SAP130: variants seen among roughly 807,000 people sequenced by gnomAD.
The protein encoded by SAP130 is Sin3A associated protein 130.
Under a neutral mutation model 103.2 loss-of-function variants are expected in SAP130, and 16 were observed. The ratio of observed to expected loss-of-function variants is 0.16; its 90% CI spans 0.10 to 0.24. SAP130 has a LOEUF of 0.24. Ranked by LOEUF, SAP130 falls within the 10% of genes least tolerant of loss-of-function variation. SAP130 has a pLI of 1.00. For synonymous variants in SAP130, 477 were observed against 497.0 expected, an observed-to-expected ratio of 0.96 and a Z score of 0.53; for missense variants, 990 against 1,359.7, an observed-to-expected ratio of 0.73 and a Z score of 4.28.
chr2:127,945,206 T>TA (rs1412637391), intron 19 of SAP130, among the ~76,000 whole-genome samples: 1 of 152,232 alleles, frequency 6.6e-6, no homozygotes, highest in African/African-American at 2.4e-5. Flanking sequence ...CACTGAATCT[T>TA]AAATTTAGGT....
chr2:128,001,372 A>G (rs1235367827), intron 7 of SAP130, among the ~76,000 whole-genome samples: 1 of 152,250 alleles, frequency 6.6e-6, no homozygotes, highest in East Asian at 1.9e-4. Context: ...CCTGTCTCCA[A>G]TAAAATAAAA....
chr2:127,955,131 G>C lies in SAP130; in HGVS notation c.2277C>G (p.Ile759Met). Residue 759 changes from isoleucine (I) to methionine (M), a missense_variant, in exon 16 of 21, where the codon ATC (isoleucine) becomes ATG (methionine). Around this residue, in one of 6 missense-constraint regions of SAP130, gnomAD observed 349 missense variants for 384.1 expected, o/e 0.91. Coordinates refer to ENST00000643581, the MANE Select transcript of SAP130 (RefSeq NM_001330301.2). The surrounding 1 kb of genome is among the most constrained non-coding windows in gnomAD (Gnocchi z 4.9). The part of the protein sequence containing the change: ...ALSTIPGAVP[I>M]TPPITTIAAA... ...CTGCAATGGTGGTGATGGGTGGAGT[G>C]ATGGGGACCGCTCCAGGAATGGTTG... 1 of 1,614,192 alleles carries C rather than the reference G, an allele frequency of 6.2e-7. No individual in the cohort carries two copies. Among genetic ancestry groups the C allele is most frequent in the Non-Finnish European group, 8.5e-7 (1 of 1,180,028 alleles).
intron 2 of SAP130, among the ~76,000 whole-genome samples, chr2:128,025,070 A>G (rs926823015): frequency 1.3e-5 from 2 of 151,498 alleles, no homozygotes; most frequent in South Asian, 2.1e-4. Context: ...ATCATTTACC[A>G]TAAGGAACAC....
At chr2:127,952,447 T>C (rs987918596) in intron 16 of SAP130, among the ~76,000 whole-genome samples, 1 of 26,850 alleles carries the variant, frequency 3.7e-5, no homozygotes, top group South Asian at 3.2e-3. Flanking sequence ...CACAACTCCA[T>C]CTTAAAAAAA....
intron 15 of SAP130, among the ~76,000 whole-genome samples, chr2:127,971,672 T>C (rs188392311): frequency 6.6e-6 from 1 of 152,364 alleles, no homozygotes; most frequent in African/African-American, 2.4e-5. Flanking sequence ...TCTTCATTAG[T>C]TCTCTACTGA....
At chr2:128,013,578 G>A (rs1292882306) in intron 5 of SAP130, among the ~76,000 whole-genome samples, 2 of 152,158 alleles carry the variant, frequency 1.3e-5, no homozygotes, top group African/African-American at 4.8e-5. Context: ...TCACCCTGCA[G>A]ACCCCCATAA....
At chr2:128,010,172 C>A in intron 7 of SAP130, 97 bp downstream of exon 7, 4 of 1,329,968 alleles carry the variant, frequency 3.0e-6, no homozygotes, top group African/African-American at 1.5e-5. Flanking sequence ...AAAAAAAAGC[C>A]ACTCAATAAA....
In SAP130 at chr2:128,018,483, CAAAAAAA is replaced by C. The variant is rs759445928; in HGVS notation, c.113-575_113-569del. 1.3e-4 allele frequency among the ~76,000 whole-genome samples: 9 copies of C among 69,474 alleles called. No homozygotes were observed. The East Asian group carries it at 1.7e-3, about 13-fold the overall frequency. 45.6% of individuals were successfully genotyped at this position (69,474 alleles called of 152,430 possible). On this transcript the variant is annotated intron_variant, in intron 2 of 20. Coordinates refer to ENST00000643581, the MANE Select transcript of SAP130 (RefSeq NM_001330301.2). ...CTGGGCGAGAGAGGAAGATTGTCTC[CAAAAAAA>C]AAAAAAAAAAAAAAAAGGATGGCTG...
intron 3 of SAP130, among the ~76,000 whole-genome samples, 189 bp from the exon 4 acceptor site, chr2:128,016,736 A>T (rs1684816152): frequency 6.6e-6 from 1 of 152,202 alleles, no homozygotes; most frequent in African/African-American, 2.4e-5. Context: ...ACAGATAAAG[A>T]AACATACAAA....
intron 15 of SAP130, among the ~76,000 whole-genome samples, chr2:127,959,303 T>C (rs536175398): frequency 6.6e-6 from 1 of 152,326 alleles, no homozygotes; most frequent in Non-Finnish European, 1.5e-5. Context: ...CTACTCTGTC[T>C]AGCCCAAGAA....
At chr2:127,947,021 GAGA>G (rs1258775702) in intron 18 of SAP130, among the ~76,000 whole-genome samples, 5 of 150,570 alleles carry the variant, frequency 3.3e-5, no homozygotes, top group Non-Finnish European at 3.0e-5. Flanking sequence ...AGGAAGGGGA[GAGA>G]AGGAGAGAGA....
intron 11 of SAP130, 120 bp from the exon 12 acceptor site, chr2:127,993,428 TG>T (rs1682957051): frequency 8.9e-7 from 1 of 1,120,332 alleles, no homozygotes; most frequent in African/African-American, 1.6e-5. Flanking sequence ...TTGCTCAAAT[TG>T]TGTCCCAAAC....
intron 15 of SAP130, among the ~76,000 whole-genome samples, chr2:127,967,282 A>C (rs1468815081): frequency 6.6e-6 from 1 of 152,268 alleles, no homozygotes; most frequent in Admixed American, 6.5e-5. Flanking sequence ...AATAAAGAGA[A>C]AAAGAAACAG....
intron 13 of SAP130, among the ~76,000 whole-genome samples, chr2:127,987,715 T>C (rs1468388549): frequency 6.6e-6 from 1 of 152,192 alleles, no homozygotes; most frequent in African/African-American, 2.4e-5. Context: ...ACCAGCCTGA[T>C]AGCATGCTCC....
chr2:128,000,547 T>A (rs1008314624), intron 7 of SAP130, 93 bp from the exon 8 acceptor site: 1 of 1,441,862 alleles, frequency 6.9e-7, no homozygotes, highest in Non-Finnish European at 9.4e-7. Flanking sequence ...TTCATAGGTC[T>A]ATGAAGTTCG....
intron 7 of SAP130, among the ~76,000 whole-genome samples, chr2:128,008,859 AT>A (rs1684175716): frequency 6.6e-6 from 1 of 150,904 alleles, no homozygotes; most frequent in African/African-American, 2.4e-5. Flanking sequence ...CTACTTTTTT[AT>A]TTTTTAAAGA....
intron 18 of SAP130, among the ~76,000 whole-genome samples, chr2:127,947,718 GT>G (rs1408555039): frequency 1.3e-5 from 2 of 150,488 alleles, no homozygotes; most frequent in African/African-American, 2.4e-5. Context: ...CTGCTTTTCT[GT>G]AAATTAATTT....
chr2:128,016,085 A>G (rs987485387), intron 4 of SAP130, among the ~76,000 whole-genome samples: 2 of 152,004 alleles, frequency 1.3e-5, no homozygotes, highest in African/African-American at 4.8e-5. Context: ...ACCAAACACG[A>G]ACCGGACTCC....
At chr2:128,025,285 C>T (rs1202533035) in intron 2 of SAP130, among the ~76,000 whole-genome samples, 3 of 152,218 alleles carry the variant, frequency 2.0e-5, no homozygotes, top group South Asian at 2.1e-4. Context: ...CTCTACCTAT[C>T]AGATGCCAAT....
Sources: allele counts gnomAD v4.1 joint callset (sites outside exome capture counted in the v4.1 genomes callset), GRCh38; gene constraint gnomAD v4.1.1; regional missense constraint gnomAD v4.1.1; non-coding constraint Gnocchi (gnomAD v3.1); transcripts MANE v1.5; gene names NCBI Gene and HGNC (gene_info 2026-07-23, HGNC 2026-07-21).